Variants in ZNF236 observed in about 807,000 individuals in gnomAD.
The protein encoded by ZNF236 is zinc finger protein 236.
A neutral mutation model predicts 191.2 loss-of-function variants in ZNF236; 50 were observed. The ratio of observed to expected loss-of-function variants is 0.26; its 90% CI spans 0.21 to 0.33. The LOEUF is 0.33. Among genes scored for constraint, ZNF236 ranks in the 10% least tolerant of loss-of-function variants. ZNF236 has a pLI of 1.00. For synonymous variants in ZNF236, 907 were observed against 928.8 expected (o/e 0.98, Z 0.43); for missense variants, 1,754 against 2,374.5 (o/e 0.74, Z 5.43).
intron 27 of ZNF236, among the ~76,000 whole-genome samples, chr18:76,948,482 C>T (rs1968323890): frequency 1.3e-5 from 2 of 152,196 alleles, no homozygotes; most frequent in African/African-American, 2.4e-5. Flanking sequence ...CGATTCACTA[C>T]AAGGTCTCAC....
intron 9 of ZNF236, among the ~76,000 whole-genome samples, chr18:76,890,666 C>T (rs1237563209): frequency 2.0e-5 from 3 of 152,134 alleles, no homozygotes; most frequent in African/African-American, 7.2e-5. Flanking sequence ...GTTTAATTTG[C>T]ATTTTTCTTA....
At chr18:76,953,614 A>C (rs1458492930) in intron 27 of ZNF236, among the ~76,000 whole-genome samples, 1 of 152,152 alleles carries the variant, frequency 6.6e-6, no homozygotes, top group Non-Finnish European at 1.5e-5. Context: ...GAGCATTTAC[A>C]CCTGGATTTC....
intron 19 of ZNF236, among the ~76,000 whole-genome samples, chr18:76,918,293 C>A (rs1403811883): frequency 6.6e-6 from 1 of 152,134 alleles, no homozygotes; most frequent in Non-Finnish European, 1.5e-5. Context: ...CCTGAGGACA[C>A]CAAAATCTGC....
chr18:76,940,800 C>T (rs955512192), intron 26 of ZNF236, among the ~76,000 whole-genome samples: 7 of 152,192 alleles, frequency 4.6e-5, no homozygotes, highest in Non-Finnish European at 8.8e-5. Context: ...CCCCAACTCC[C>T]AGGTTGTGGA....
chr18:76,844,239 C>G (rs1035691255), intron 1 of ZNF236, among the ~76,000 whole-genome samples: 1 of 86,526 alleles, frequency 1.2e-5, no homozygotes, highest in Non-Finnish European at 2.4e-5. Context: ...GACTCCATCT[C>G]AAAAAAAAAA....
At chr18:76,908,681 T>A in intron 14 of ZNF236, 108 bp downstream of exon 14, 1 of 1,391,686 alleles carries the variant, frequency 7.2e-7, no homozygotes, top group Non-Finnish European at 9.7e-7. Flanking sequence ...TTAAAACAAT[T>A]TGTGCTGTAT....
rs1263488294 is a variant in ZNF236, at chr18:76,915,764, A to G, written c.3179A>G (p.Glu1060Gly). 1 of 1,614,198 alleles carries G rather than the reference A, an allele frequency of 6.2e-7. No individual in the cohort carries two copies. Among genetic ancestry groups the G allele is most frequent in the Non-Finnish European group, 8.5e-7 (1 of 1,180,036 alleles). Residue 1060 changes from glutamate to glycine, a missense_variant, in exon 19 of 31, where the codon GAG becomes GGG. By Grantham distance (98) the Glu-to-Gly change is moderately conservative (BLOSUM62 -2). Coordinates refer to ENST00000320610, the MANE Select transcript of ZNF236 (RefSeq NM_001306089.2). ...CCTTATAAGTGTCCGTTTTGTGAGG[A>G]GGGTTTCCGAACTACAGTGCATTGT... ...MKPYKCPFCE[E>G]GFRTTVHCKK... is the part of the protein sequence containing the mutation.
chr18:76,927,246 T>C lies in ZNF236; in HGVS notation c.4174-31T>C, dbSNP rs1260148349. 1 of 1,612,390 alleles carries C rather than the reference T, an allele frequency of 6.2e-7. No homozygotes were observed. Among genetic ancestry groups the C allele is most frequent in the South Asian group, 1.1e-5 (1 of 91,038 alleles). ...TTGGCATCACAGAGAAGCATGAAGT[T>C]TTCATTACAAGTACCTGTGCTGCTT... On this transcript the variant is annotated intron_variant, in intron 23 of 30. Coordinates refer to ENST00000320610, the MANE Select transcript of ZNF236 (RefSeq NM_001306089.2). This position sits in a 1 kb window ranked among gnomAD's most constrained non-coding sequence, Gnocchi z 5.4.
In ZNF236 at chr18:76,854,202, A is replaced by T. The variant is rs1975973870; in HGVS notation, c.363+2263A>T. On this transcript the variant is annotated intron_variant, in intron 3 of 30. Coordinates refer to ENST00000320610, the MANE Select transcript of ZNF236 (RefSeq NM_001306089.2). Reference sequence around the variant, plus strand: ...AGTTTTACTTATCAATTTAAAAATCAATTAGTTAAAAAAATTATAAGAAAG... The same window carrying T: ...AGTTTTACTTATCAATTTAAAAATCTATTAGTTAAAAAAATTATAAGAAAG... Among the ~76,000 whole-genome samples the T allele has an allele frequency of 3.3e-5, 5 of 152,264 alleles. No individual in the cohort carries two copies. In the South Asian group the frequency reaches 1.0e-3, roughly 32 times the overall value.
chr18:76,920,613 A>G (rs1041203914), intron 20 of ZNF236, among the ~76,000 whole-genome samples: 2 of 151,988 alleles, frequency 1.3e-5, no homozygotes, highest in African/African-American at 2.4e-5. Flanking sequence ...TATGGTTGTC[A>G]TAGTAGTAAA....
At chr18:76,903,333 C>T (rs1301931010) in intron 11 of ZNF236, among the ~76,000 whole-genome samples, 2 of 152,190 alleles carry the variant, frequency 1.3e-5, no homozygotes, top group Admixed American at 6.5e-5. Context: ...GAAGGGAACT[C>T]TCAGAGGTCC....
rs372883919 is a variant in ZNF236 at position 76,971,121 on chromosome 18, C to T, written c.*2782C>T. 7.6e-4 allele frequency among the ~76,000 whole-genome samples: 116 copies of T among 152,326 alleles called. 4 individuals are homozygous for T. The South Asian group carries it at 0.023, about 30-fold the overall frequency. On this transcript the variant is annotated 3_prime_UTR_variant, in exon 31 of 31. Transcript: ENST00000320610. Reference sequence around the variant, plus strand: ...GAATGAATTGCCTTTGCAAAGATACCAAACGTGAAGGTGGGGTGCAGGTAC... The same window carrying T: ...GAATGAATTGCCTTTGCAAAGATACTAAACGTGAAGGTGGGGTGCAGGTAC...
intron 3 of ZNF236, among the ~76,000 whole-genome samples, chr18:76,857,464 C>A (rs931214068): frequency 1.3e-5 from 2 of 152,228 alleles, no homozygotes; most frequent in African/African-American, 4.8e-5. Flanking sequence ...TGTGGGACCT[C>A]TCCCTTCCCA....
chr18:76,912,799 C>G (rs936088064), intron 17 of ZNF236, among the ~76,000 whole-genome samples: 2 of 152,218 alleles, frequency 1.3e-5, no homozygotes, highest in Non-Finnish European at 2.9e-5. Flanking sequence ...TGAGCACCCT[C>G]TGTGCACAAT....
chr18:76,853,752 T>G (rs1975952234), intron 3 of ZNF236, among the ~76,000 whole-genome samples: 1 of 152,180 alleles, frequency 6.6e-6, no homozygotes, highest in Non-Finnish European at 1.5e-5. Context: ...GGCTCATGTC[T>G]GTAATCCCAG....
rs567981197 is a variant in ZNF236 at position 76,953,938 on chromosome 18, C to T, written c.4915-2047C>T. Among the ~76,000 whole-genome samples the T allele has an allele frequency of 4.6e-5, 7 of 152,298 alleles. No homozygotes were observed. In the South Asian group the frequency reaches 1.5e-3, roughly 32 times the overall value. On this transcript the variant is annotated intron_variant, in intron 27 of 30. Coordinates refer to ENST00000320610, the MANE Select transcript of ZNF236 (RefSeq NM_001306089.2). Reference sequence around the variant, plus strand: ...GCTTGGGAGGGGGTGGACATACACGCTCCTACCCTCCCACCCCCATGCAGA... The same window carrying T: ...GCTTGGGAGGGGGTGGACATACACGTTCCTACCCTCCCACCCCCATGCAGA...
intron 15 of ZNF236, 48 bp from the exon 16 acceptor site, chr18:76,910,612 T>C (rs1967191745): frequency 6.4e-7 from 1 of 1,560,434 alleles, no homozygotes; most frequent in African/African-American, 1.4e-5. Flanking sequence ...AACATTTTAA[T>C]GTAACTTTAA....
chr18:76,841,481 T>C (rs1277131290), intron 1 of ZNF236, among the ~76,000 whole-genome samples: 2 of 152,236 alleles, frequency 1.3e-5, no homozygotes, highest in Non-Finnish European at 2.9e-5. Flanking sequence ...TCACAGTTTA[T>C]TTCATACATT....
chr18:76,871,343 G>T (rs2122605496), intron 4 of ZNF236, among the ~76,000 whole-genome samples: 1 of 152,248 alleles, frequency 6.6e-6, no homozygotes, highest in African/African-American at 2.4e-5. Flanking sequence ...GAGAGCAAGA[G>T]ACTGGAGGAG....
Sources: allele counts gnomAD v4.1 joint callset (sites outside exome capture counted in the v4.1 genomes callset), GRCh38; gene constraint gnomAD v4.1.1; non-coding constraint Gnocchi (gnomAD v3.1); transcripts MANE v1.5; gene names NCBI Gene and HGNC (gene_info 2026-07-23, HGNC 2026-07-21).